The following SORL1 variants were observed in gnomAD, a reference collection of about 807,000 sequenced individuals.
SORL1 encodes the protein sortilin-related receptor.
A neutral mutation model predicts 273.7 loss-of-function variants in SORL1; 127 were observed. That is an observed-to-expected ratio of 0.46 (90% confidence interval 0.40 to 0.54). The LOEUF is 0.54. SORL1 is among the 20% of genes least tolerant of loss of function. The pLI is 0.00. For synonymous variants in SORL1, 1,031 were observed against 1,067.4 expected (o/e 0.97, Z 0.66); for missense variants, 2,494 against 2,846.1 (o/e 0.88, Z 2.81).
chr11:121,590,204 C>G (rs1020117648), intron 30 of SORL1, 30 bp downstream of exon 30: 3 of 1,609,886 alleles, frequency 1.9e-6, no homozygotes, highest in African/African-American at 2.7e-5. Flanking sequence ...TGGGTTAGCC[C>G]CATAACCAAG....
rs540304639 is a variant in SORL1 at position 121,586,328 on chromosome 11, C to T, written c.3813C>T (p.Cys1271=). 61 of 1,609,468 alleles carry T rather than the reference C, an allele frequency of 3.8e-5. No individual in the cohort carries two copies. The highest frequency in any genetic ancestry group is 3.3e-4 in the Middle Eastern group (2 of 6,084). The change falls in exon 27 of 48, where the codon TGC becomes TGT. Residue 1271 remains cysteine, a splice_region_variant and synonymous_variant. Transcript: ENST00000260197. The stretch of plus-strand genomic sequence containing the variant: ...CTGATGGCTCCGATGAACAGCACTG[C>T]GGTGAGTTCATTCCTTGCCCCCAGG... ...DCSDGSDEQH[C]EPLCTHFMDF... is the part of the protein sequence containing the mutation.
chr11:121,577,362 A>G lies in SORL1; in HGVS notation c.3542A>G (p.Asn1181Ser), dbSNP rs1261114219. The G allele has an allele frequency of 6.2e-7, 1 of 1,613,336 alleles. No homozygotes were observed. The highest frequency in any genetic ancestry group is 8.5e-7 in the Non-Finnish European group (1 of 1,179,638). Residue 1181 changes from asparagine to serine, a missense_variant, in exon 25 of 48, where the codon AAC becomes AGC. Around this residue, in one of 3 missense-constraint regions of SORL1, gnomAD observed 1,609 missense variants for 1,816.4 expected, o/e 0.89. Coordinates refer to ENST00000260197, the MANE Select transcript of SORL1 (RefSeq NM_003105.6). ...IRSSWVCDGD[N>S]DCRDWSDEAN... Reference sequence around the variant, plus strand: ...TCCTCCTGGGTATGTGACGGGGACAACGACTGCAGGGACTGGTCTGATGAA... The same window carrying G: ...TCCTCCTGGGTATGTGACGGGGACAGCGACTGCAGGGACTGGTCTGATGAA...
intron 2 of SORL1, among the ~76,000 whole-genome samples, chr11:121,470,678 T>C (rs966995713): frequency 6.6e-6 from 1 of 152,120 alleles, no homozygotes; most frequent in African/African-American, 2.4e-5. Flanking sequence ...TAACACTCTT[T>C]TCTATTTTTT....
In SORL1 at chr11:121,611,070, T is replaced by C; in HGVS notation, c.5240-6T>C. The stretch of plus-strand genomic sequence containing the variant: ...CTTCTGTTTTTGAATTCCTTTTTGT[T>C]TTCAGTGATCCCACCACCAGATATC... On this transcript the variant is annotated splice_region_variant and splice_polypyrimidine_tract_variant and intron_variant, in intron 38 of 47. Coordinates refer to ENST00000260197, the MANE Select transcript of SORL1 (RefSeq NM_003105.6). 6.2e-7 allele frequency: 1 copy of C among 1,609,034 alleles called. No homozygotes were observed. The highest frequency in any genetic ancestry group is 1.3e-5 in the African/African-American group (1 of 74,952).
intron 35 of SORL1, 82 bp from the exon 36 acceptor site, chr11:121,606,763 G>C: frequency 1.5e-6 from 1 of 668,888 alleles, no homozygotes; most frequent in Non-Finnish European, 2.7e-6. Flanking sequence ...AGTCGTTCTT[G>C]TCCTTGTTCT....
At chr11:121,508,618 G>A (rs1378284926) in intron 6 of SORL1, among the ~76,000 whole-genome samples, 1 of 152,180 alleles carries the variant, frequency 6.6e-6, no homozygotes, top group Non-Finnish European at 1.5e-5. Flanking sequence ...CCTCTCCAGT[G>A]GCTGCCAGGC....
rs1215624863 is a variant in SORL1, at chr11:121,632,686, T to A, written c.*3123T>A. On this transcript the variant is annotated 3_prime_UTR_variant, in exon 48 of 48. Coordinates refer to ENST00000260197, the MANE Select transcript of SORL1 (RefSeq NM_003105.6). ...GAAGCTTGGGAGAGCAATAGTATGGTGAGCCCCTTAGAGATGAGCGCCTAC... is the reference window on the plus strand; with the variant it reads ...GAAGCTTGGGAGAGCAATAGTATGGAGAGCCCCTTAGAGATGAGCGCCTAC... 6.6e-6 allele frequency: 1 copy of A among 151,888 alleles called. No individual in the cohort carries two copies. Among genetic ancestry groups the A allele is most frequent in the Admixed American group, 6.6e-5 (1 of 15,204 alleles). 9.4% of individuals were successfully genotyped at this position (151,888 alleles called of 1,614,324 possible). A position where few individuals can be genotyped will look rare whatever the true frequency, so the allele number is the denominator to read the frequency against.
chr11:121,603,678 G>A (rs1393502597), intron 32 of SORL1, among the ~76,000 whole-genome samples: 1 of 152,102 alleles, frequency 6.6e-6, no homozygotes, highest in Non-Finnish European at 1.5e-5. Flanking sequence ...TAATATTGTT[G>A]GGATTCATCT....
intron 3 of SORL1, among the ~76,000 whole-genome samples, chr11:121,480,854 G>T (rs1485515163): frequency 6.9e-6 from 1 of 145,958 alleles, no homozygotes; most frequent in Non-Finnish European, 1.5e-5. Flanking sequence ...GATACCTATA[G>T]GCAGGCTCCA....
At chr11:121,506,440 T>C (rs904049231) in intron 6 of SORL1, among the ~76,000 whole-genome samples, 1 of 152,186 alleles carries the variant, frequency 6.6e-6, no homozygotes, top group African/African-American at 2.4e-5. Flanking sequence ...CTTACATGGA[T>C]GGCAGCAGGC....
intron 27 of SORL1, among the ~76,000 whole-genome samples, chr11:121,587,276 C>T (rs1179065545): frequency 3.3e-5 from 5 of 152,044 alleles, no homozygotes; most frequent in Non-Finnish European, 7.4e-5. Context: ...CTGGCAAGTC[C>T]CAAATTTGCT....
At chr11:121,570,349 G>T in intron 23 of SORL1, 79 bp downstream of exon 23, 1 of 1,031,246 alleles carries the variant, frequency 9.7e-7, no homozygotes, top group South Asian at 1.4e-5. Context: ...GAGGGCCTAA[G>T]GTCTAGGGCG....
chr11:121,478,298 G>C (rs186749917), intron 3 of SORL1, 55 bp downstream of exon 3: 533 of 1,584,470 alleles, frequency 3.4e-4, no homozygotes, highest in Non-Finnish European at 3.5e-4. Flanking sequence ...GTTTTGGAAA[G>C]ATTGCCGCAC....
At chr11:121,607,726 G>A (rs993443293) in intron 37 of SORL1, among the ~76,000 whole-genome samples, 2 of 152,178 alleles carry the variant, frequency 1.3e-5, no homozygotes, top group African/African-American at 4.8e-5. Flanking sequence ...TGAACAACAT[G>A]TTTGCTGAGA....
intron 5 of SORL1, among the ~76,000 whole-genome samples, chr11:121,495,286 A>G (rs986047020): frequency 1.3e-5 from 2 of 151,690 alleles, no homozygotes; most frequent in Admixed American, 6.6e-5. Context: ...GAGTCTCACT[A>G]TGTTGCCCAG....
intron 3 of SORL1, among the ~76,000 whole-genome samples, chr11:121,480,968 C>T (rs1373055726): frequency 8.3e-6 from 1 of 121,162 alleles, no homozygotes; most frequent in African/African-American, 3.4e-5. Context: ...TATAGGCAAG[C>T]TCCATCTCCT....
Position 121,599,767 on chromosome 11 carries a change from CT to C in SORL1, c.4519+4007del, listed in dbSNP as rs557045915. On this transcript the variant is annotated intron_variant, in intron 32 of 47. Coordinates refer to ENST00000260197, the MANE Select transcript of SORL1 (RefSeq NM_003105.6). ...ATATAATTAATTCTCCTGCTGTGTA[CT>C]TTTTTTTTTTTGAAGTTCTTCGGTG... 2.9e-3 allele frequency among the ~76,000 whole-genome samples: 422 copies of C among 146,290 alleles called. 2 individuals are homozygous for C. The highest frequency in any genetic ancestry group is 7.2e-3 in the African/African-American group (292 of 40,438).
chr11:121,541,203 CTTT>C (rs35609606), intron 12 of SORL1, among the ~76,000 whole-genome samples: 1 of 127,152 alleles, frequency 7.9e-6, no homozygotes, highest in African/African-American at 2.7e-5. Context: ...GTAGCAGTAT[CTTT>C]TTTTTTTTTT....
At chr11:121,530,000 A>G (rs1027443279) in intron 11 of SORL1, among the ~76,000 whole-genome samples, 33 of 152,164 alleles carry the variant, frequency 2.2e-4, no homozygotes, top group African/African-American at 7.2e-4. Flanking sequence ...TAAGGATTAC[A>G]ACATACATAT....
Sources: gnomAD v4.1 joint callset for allele counts (sites outside exome capture counted in the v4.1 genomes callset) on GRCh38, gnomAD v4.1.1 for gene constraint, gnomAD v4.1.1 regional missense constraint, MANE v1.5 for transcripts, NCBI Gene and HGNC (gene_info 2026-07-23, HGNC 2026-07-21) for gene names.